PLLP: variants seen among roughly 807,000 people sequenced by gnomAD.
PLLP encodes the protein plasma membrane proteolipid (plasmolipin).
In PLLP, 15 loss-of-function variants were observed where a neutral mutation model predicts 19.7. That is an observed-to-expected ratio of 0.76 (90% CI 0.51 to 1.17). The LOEUF (loss-of-function observed/expected upper bound fraction) is 1.17. Ranked by LOEUF, PLLP falls within the 50% of genes most tolerant of loss-of-function variation. The pLI, the probability that PLLP is intolerant of heterozygous loss-of-function variation, is 0.00. For missense variants in PLLP, 255 were observed against 258.3 expected (o/e 0.99, Z 0.09); for synonymous variants, 111 against 116.3 (o/e 0.95, Z 0.29).
rs1412553753 is a variant in PLLP at position 57,284,429 on chromosome 16, C to G, written c.112G>C (p.Gly38Arg). 1 of 1,403,654 alleles carries G rather than the reference C, an allele frequency of 7.1e-7. No homozygotes were observed. The allele number at this position is 1,403,654 out of a possible 1,614,324, so 86.9% of individuals were successfully genotyped here. A position where few individuals can be genotyped will look rare whatever the true frequency, so the allele number is the denominator to read the frequency against. The change falls in exon 1 of 4, where the codon GGG (glycine) becomes CGG (arginine). Residue 38 changes from glycine to arginine, a missense_variant. Gly to Arg is a moderately radical substitution (Grantham distance 125). Transcript: ENST00000219207. The stretch of plus-strand genomic sequence containing the variant: ...ACCAGCTGCAGCAGCATGAGCGCCC[C>G]GAGGCGGGAGCGCACGAAGCCCAGG... ...PDLGFVRSRL[G>R]ALMLLQLVLG... is the part of the protein sequence containing the mutation.
At chr16:57,274,895 G>A (rs1166883502) in intron 1 of PLLP, among the ~76,000 whole-genome samples, 1 of 152,098 alleles carries the variant, frequency 6.6e-6, no homozygotes, top group Non-Finnish European at 1.5e-5. Context: ...CCGAGTAGCT[G>A]GGACTACAGG....
chr16:57,284,317 G>T, intron 1 of PLLP, 89 bp downstream of exon 1: 3 of 1,178,148 alleles, frequency 2.5e-6, no homozygotes, highest in Non-Finnish European at 3.3e-6. Flanking sequence ...CAAGGTTCGC[G>T]AAAAATGAAC....
At chr16:57,281,829 A>T (rs921286533) in intron 1 of PLLP, among the ~76,000 whole-genome samples, 6 of 152,082 alleles carry the variant, frequency 3.9e-5, no homozygotes, top group African/African-American at 1.4e-4. Context: ...CAGATTTCTA[A>T]GGCACTAAAA....
intron 1 of PLLP, among the ~76,000 whole-genome samples, chr16:57,271,214 G>A (rs544974872): frequency 3.6e-4 from 55 of 151,356 alleles, no homozygotes; most frequent in Admixed American, 7.2e-4. Flanking sequence ...GCTGAGCTGA[G>A]CCGCCCCTGG....
intron 1 of PLLP, among the ~76,000 whole-genome samples, chr16:57,280,515 A>T (rs1277036113): frequency 1.3e-5 from 2 of 152,176 alleles, no homozygotes; most frequent in African/African-American, 4.8e-5. Flanking sequence ...CAAAAGAGTT[A>T]TCTGTAGATC....
chr16:57,257,591 T>C (rs1171800613), intron 3 of PLLP, among the ~76,000 whole-genome samples: 3 of 152,174 alleles, frequency 2.0e-5, no homozygotes, highest in South Asian at 2.1e-4. Context: ...AAGGAACTGG[T>C]AGTCCCTTCC....
In PLLP at chr16:57,256,700, C is replaced by T; in HGVS notation, c.*213G>A. On this transcript the variant is annotated 3_prime_UTR_variant, in exon 4 of 4. Transcript: ENST00000219207. ...AATAAGGGGGATGGAGAAGAGGTCT[C>T]AGCAGTTGGCCTCCTGCAAGCCGAG... 1 of 561,830 alleles carries T rather than the reference C, an allele frequency of 1.8e-6. No individual in the cohort carries two copies. Among genetic ancestry groups the T allele is most frequent in the Non-Finnish European group, 3.2e-6 (1 of 313,778 alleles). The allele number at this position is 561,830 out of a possible 1,614,324, so 34.8% of individuals were successfully genotyped here.
chr16:57,260,682 C>T (rs753996572), intron 2 of PLLP, among the ~76,000 whole-genome samples: 2 of 152,058 alleles, frequency 1.3e-5, no homozygotes, highest in African/African-American at 2.4e-5. Flanking sequence ...AGGGGTTTTC[C>T]GGGTCAGAGG....
chr16:57,279,742 G>A (rs1901196659), intron 1 of PLLP, among the ~76,000 whole-genome samples: 1 of 151,784 alleles, frequency 6.6e-6, no homozygotes, highest in South Asian at 2.1e-4. Context: ...ACGTGATCAT[G>A]GCTTACTGCA....
In PLLP at chr16:57,256,103, C is replaced by A. The variant is rs991214656; in HGVS notation, c.*810G>T. 4.0e-5 allele frequency: 16 copies of A among 398,428 alleles called. No homozygotes were observed. Among genetic ancestry groups the A allele is most frequent in the Non-Finnish European group, 7.1e-5 (16 of 226,058 alleles). 24.7% of individuals were successfully genotyped at this position (398,428 alleles called of 1,614,324 possible). A position where few individuals can be genotyped will look rare whatever the true frequency, so the allele number is the denominator to read the frequency against. ...TGCCAACATCTTGTCCAAATAATTT[C>A]TCTCATCTTTATTTTTATTAAAAAA... On this transcript the variant is annotated 3_prime_UTR_variant, in exon 4 of 4. Transcript: ENST00000219207.
intron 1 of PLLP, among the ~76,000 whole-genome samples, chr16:57,265,060 T>G (rs2075452856): frequency 6.6e-6 from 1 of 152,120 alleles, no homozygotes. Context: ...GGGGTGAAGC[T>G]CCAGGGATCC....
rs199759873 is a variant in PLLP, at chr16:57,257,022, G to T, written c.440C>A (p.Ala147Glu). The T allele has an allele frequency of 1.2e-6, 2 of 1,610,376 alleles. No homozygotes were observed. Among genetic ancestry groups the T allele is most frequent in the African/African-American group, 1.3e-5 (1 of 74,832 alleles). Residue 147 changes from alanine to glutamate, a missense_variant, in exon 4 of 4, where the codon GCG becomes GAG. Transcript: ENST00000219207. Reference protein sequence around the residue: ...YNQRAAASFFACLVMIAYGVS... With the variant: ...YNQRAAASFFECLVMIAYGVS... ...TCCATAGGCGATCATCACCAAACAC[G>T]CAAAGAACTGAAAGAGAGGTGAGAA...
In PLLP at chr16:57,256,737, C is replaced by T; in HGVS notation, c.*176G>A. On this transcript the variant is annotated 3_prime_UTR_variant, in exon 4 of 4. Coordinates refer to ENST00000219207, the MANE Select transcript of PLLP (RefSeq NM_015993.3). Reference sequence around the variant, plus strand: ...TCCTGCAAGCCGAGATGCCTGCCAGCCTGGGCCTGCTTCCTTAGCGCTGTG... The same window carrying T: ...TCCTGCAAGCCGAGATGCCTGCCAGTCTGGGCCTGCTTCCTTAGCGCTGTG... 1 of 569,692 alleles carries T rather than the reference C, an allele frequency of 1.8e-6. No individual in the cohort carries two copies. 35.3% of individuals were successfully genotyped at this position (569,692 alleles called of 1,614,324 possible).
At chr16:57,280,127 C>G (rs1465517168) in intron 1 of PLLP, among the ~76,000 whole-genome samples, 2 of 152,146 alleles carry the variant, frequency 1.3e-5, no homozygotes, top group Non-Finnish European at 2.9e-5. Flanking sequence ...TCCTGCAGTC[C>G]CCCTTTTCCC....
At chr16:57,268,448 A>G (rs1350787718) in intron 1 of PLLP, among the ~76,000 whole-genome samples, 1 of 152,098 alleles carries the variant, frequency 6.6e-6, no homozygotes, top group East Asian at 1.9e-4. Flanking sequence ...CCTTGTCTTC[A>G]TCTTCCTTCA....
intron 1 of PLLP, among the ~76,000 whole-genome samples, chr16:57,282,854 C>T (rs1344303121): frequency 6.6e-6 from 1 of 152,178 alleles, no homozygotes; most frequent in Non-Finnish European, 1.5e-5. Flanking sequence ...AAACCACCTC[C>T]TCCAACAAGC....
chr16:57,256,564 C>G lies in PLLP; in HGVS notation c.*349G>C. On this transcript the variant is annotated 3_prime_UTR_variant, in exon 4 of 4. Coordinates refer to ENST00000219207, the MANE Select transcript of PLLP (RefSeq NM_015993.3). The stretch of plus-strand genomic sequence containing the variant: ...GGTCTGGGGCTGCAGGTCTGGAGTC[C>G]TTGTTAGTGCATTTAGTGCTGGTGA... 3.9e-6 allele frequency: 1 copy of G among 258,668 alleles called. No individual in the cohort carries two copies. Among genetic ancestry groups the G allele is most frequent in the Non-Finnish European group, 7.4e-6 (1 of 135,894 alleles). 16.0% of individuals were successfully genotyped at this position (258,668 alleles called of 1,614,324 possible). A position where few individuals can be genotyped will look rare whatever the true frequency, so the allele number is the denominator to read the frequency against.
Position 57,256,838 on chromosome 16 carries a change from T to C in PLLP, c.*75A>G. ...TGACTCCACGCAGGGCTCCCCAGCT[T>C]CAGGCTTGCAGGGTGACCCTGCTCT... On this transcript the variant is annotated 3_prime_UTR_variant, in exon 4 of 4. Coordinates refer to ENST00000219207, the MANE Select transcript of PLLP (RefSeq NM_015993.3). The C allele has an allele frequency of 1.0e-6, 1 of 991,792 alleles. No individual in the cohort carries two copies. The highest frequency in any genetic ancestry group is 1.6e-6 in the Non-Finnish European group (1 of 631,614). The allele number at this position is 991,792 out of a possible 1,614,324, so 61.4% of individuals were successfully genotyped here. A position where few individuals can be genotyped will look rare whatever the true frequency, so the allele number is the denominator to read the frequency against.
Position 57,284,529 on chromosome 16 carries a change from G to A in PLLP, c.12C>T (p.Phe4=). The change falls in exon 1 of 4, where the codon TTC becomes TTT. Residue 4 remains phenylalanine (F), a synonymous_variant. Transcript: ENST00000219207. MAE[F]PSKVSTRTSS... ...TGGTCCGCGTGCTAACTTTCGACGG[G>A]AACTCGGCCATGGCGGCTCCGCTTG... 1 of 1,381,788 alleles carries A rather than the reference G, an allele frequency of 7.2e-7. No individual in the cohort carries two copies. The highest frequency in any genetic ancestry group is 9.5e-7 in the Non-Finnish European group (1 of 1,058,094). 85.6% of individuals were successfully genotyped at this position (1,381,788 alleles called of 1,614,324 possible).
Sources: allele counts gnomAD v4.1 joint callset (sites outside exome capture counted in the v4.1 genomes callset), GRCh38; gene constraint gnomAD v4.1.1; transcripts MANE v1.5; gene names NCBI Gene and HGNC (gene_info 2026-07-23, HGNC 2026-07-21).